COL19A1: variants seen among roughly 807,000 people sequenced by gnomAD.
COL19A1 encodes the protein collagen type XIX alpha 1 chain.
Under a neutral mutation model 190.2 loss-of-function variants are expected in COL19A1, and 159 were observed. That is an observed-to-expected ratio of 0.84 (90% CI 0.73 to 0.95). COL19A1 has a LOEUF of 0.95. COL19A1 is among the 40% of genes least tolerant of loss of function. COL19A1 has a pLI of 0.00. For missense variants in COL19A1, 1,418 were observed against 1,431.9 expected, an observed-to-expected ratio of 0.99 and a Z score of 0.16; for synonymous variants, 509 against 458.9, an observed-to-expected ratio of 1.11 and a Z score of -1.39.
intron 11 of COL19A1, among the ~76,000 whole-genome samples, chr6:69,966,036 T>C (rs1181170063): frequency 2.0e-5 from 3 of 152,216 alleles, no homozygotes; most frequent in Non-Finnish European, 2.9e-5. Context: ...ATAACAGTTA[T>C]CCCCATACTA....
In COL19A1 at chr6:70,123,867, C is replaced by T. The variant is rs1206813122; in HGVS notation, c.1341+1925C>T. On this transcript the variant is annotated intron_variant, in intron 17 of 50. Coordinates refer to ENST00000620364, the MANE Select transcript of COL19A1 (RefSeq NM_001858.6). ...GGGAGATACACCTAATGCTAGATGA[C>T]GAGTTAGTGGGTGCAGCACACCAGC... Among the ~76,000 whole-genome samples, 9 of 149,072 alleles carry T rather than the reference C, an allele frequency of 6.0e-5. No individual in the cohort carries two copies. In the East Asian group the frequency reaches 1.6e-3, roughly 26 times the overall value.
intron 7 of COL19A1, 125 bp from the exon 8 acceptor site, chr6:69,936,660 T>G: frequency 8.2e-7 from 1 of 1,219,444 alleles, no homozygotes; most frequent in African/African-American, 1.5e-5. Context: ...GTGTTAACTT[T>G]TGGTTAGTAA....
intron 48 of COL19A1, among the ~76,000 whole-genome samples, chr6:70,192,142 C>T (rs372300240): frequency 6.6e-6 from 1 of 152,222 alleles, no homozygotes; most frequent in Non-Finnish European, 1.5e-5. Flanking sequence ...CCCACAGCAA[C>T]CTCTGCCTCC....
At chr6:69,950,716 A>T (rs1774078917) in intron 9 of COL19A1, among the ~76,000 whole-genome samples, 1 of 146,160 alleles carries the variant, frequency 6.8e-6, no homozygotes, top group Non-Finnish European at 1.5e-5. Flanking sequence ...ACACACACAC[A>T]TGTTCACACC....
intron 16 of COL19A1, 110 bp downstream of exon 16, chr6:70,102,332 T>G: frequency 1.2e-6 from 1 of 813,438 alleles, no homozygotes; most frequent in Non-Finnish European, 2.1e-6. Flanking sequence ...TTTATTCTAC[T>G]GTTTAGAATG....
intron 2 of COL19A1, among the ~76,000 whole-genome samples, chr6:69,892,397 C>T (rs556183042): frequency 3.3e-4 from 50 of 152,272 alleles, no homozygotes; most frequent in African/African-American, 8.7e-4. Context: ...ATATATGATA[C>T]GTTTTGAAAC....
chr6:70,154,744 T>A (rs1163171643), intron 31 of COL19A1, among the ~76,000 whole-genome samples: 1 of 152,184 alleles, frequency 6.6e-6, no homozygotes, highest in Non-Finnish European at 1.5e-5. Context: ...GCCGAAGGCC[T>A]GAGAGCCCCT....
chr6:70,070,129 G>A (rs1201305403), intron 15 of COL19A1, among the ~76,000 whole-genome samples: 1 of 152,064 alleles, frequency 6.6e-6, no homozygotes, highest in Non-Finnish European at 1.5e-5. Context: ...TGGCTTGTAA[G>A]ATAATTATGA....
chr6:70,089,989 G>A (rs1782805198), intron 15 of COL19A1, among the ~76,000 whole-genome samples: 1 of 151,690 alleles, frequency 6.6e-6, no homozygotes. Flanking sequence ...TTTTAGCCTG[G>A]GCAACATAGA....
chr6:70,023,673 G>A lies in COL19A1; in HGVS notation c.1073G>A (p.Gly358Glu). ...GATCCAGCTCTGGCTGGCCTTAATG[G>A]AGAAAATGTAAGCCTAACTCTTTTT... ...KGDPALAGLN[G>E]ENGLKGDLGP... Residue 358 changes from glycine (G) to glutamate (E), a missense_variant, in exon 12 of 51, where the codon GGA becomes GAA. Transcript: ENST00000620364. 1 of 1,610,512 alleles carries A rather than the reference G, an allele frequency of 6.2e-7. No homozygotes were observed. Among genetic ancestry groups the A allele is most frequent in the South Asian group, 1.1e-5 (1 of 90,244 alleles).
intron 49 of COL19A1, among the ~76,000 whole-genome samples, chr6:70,203,923 T>A (rs1050498444): frequency 6.6e-6 from 1 of 151,888 alleles, no homozygotes; most frequent in Non-Finnish European, 1.5e-5. Flanking sequence ...GCAATGGCCA[T>A]AATCTTGGCT....
intron 4 of COL19A1, among the ~76,000 whole-genome samples, chr6:69,919,789 T>C (rs1479340398): frequency 6.6e-6 from 1 of 152,188 alleles, no homozygotes; most frequent in African/African-American, 2.4e-5. Context: ...AGGTATGTTT[T>C]TATTTGAAAG....
intron 16 of COL19A1, among the ~76,000 whole-genome samples, chr6:70,116,999 A>G (rs111390673): frequency 5.3e-5 from 8 of 152,338 alleles, no homozygotes; most frequent in East Asian, 1.9e-4. Flanking sequence ...GGATGGCTCA[A>G]GGAGACTCAG....
intron 15 of COL19A1, among the ~76,000 whole-genome samples, chr6:70,097,226 T>G (rs1413450892): frequency 6.6e-6 from 1 of 152,082 alleles, no homozygotes; most frequent in African/African-American, 2.4e-5. Context: ...AAAAAAGAGC[T>G]TTTTAAAGCT....
intron 11 of COL19A1, among the ~76,000 whole-genome samples, chr6:70,010,397 C>T (rs1777916647): frequency 6.7e-6 from 1 of 148,274 alleles, no homozygotes; most frequent in Non-Finnish European, 1.5e-5. Context: ...TCTACAGCTC[C>T]CAGCGTGAGC....
chr6:70,068,395 A>G (rs760543574), intron 14 of COL19A1, 28 bp from the exon 15 acceptor site: 4 of 1,433,702 alleles, frequency 2.8e-6, no homozygotes. Context: ...GAAACAGTGT[A>G]TTAACATGTG....
chr6:69,984,512 G>T (rs963340536), intron 11 of COL19A1, among the ~76,000 whole-genome samples: 1 of 151,828 alleles, frequency 6.6e-6, no homozygotes, highest in Non-Finnish European at 1.5e-5. Context: ...TATAATTTTA[G>T]CATTTTTTGG....
Position 70,144,986 on chromosome 6 carries a change from GA to G in COL19A1, c.1753del (p.Ser585AlafsTer8). On this transcript the variant is annotated frameshift_variant, in exon 25 of 51. Transcript: ENST00000620364. LOFTEE classifies it high-confidence loss of function. ...GPKGEAGPPG[K>X]SLPGEPGLDG... The stretch of plus-strand genomic sequence containing the variant: ...CAAAAGGTGAGGCTGGTCCTCCAGG[GA>G]AAAGCCTGCCAGGGGAACCAGTAAG... The G allele has an allele frequency of 1.9e-6, 3 of 1,591,648 alleles. No individual in the cohort carries two copies. The highest frequency in any genetic ancestry group is 1.7e-5 in the Admixed American group (1 of 57,932).
chr6:70,176,485 G>T, intron 41 of COL19A1, 35 bp from the exon 42 acceptor site: 2 of 1,601,430 alleles, frequency 1.2e-6, no homozygotes, highest in Non-Finnish European at 1.7e-6. Flanking sequence ...CTTCATTGAT[G>T]TCATTAAAGT....
Sources: allele counts gnomAD v4.1 joint callset (sites outside exome capture counted in the v4.1 genomes callset), GRCh38; gene constraint gnomAD v4.1.1; transcripts MANE v1.5; gene names NCBI Gene and HGNC (gene_info 2026-07-23, HGNC 2026-07-21).